Variants in BNC2 observed in about 807,000 individuals in gnomAD.
BNC2 encodes the protein basonuclin zinc finger protein 2.
BNC2 carries 20 observed loss-of-function variants against 76.3 expected under a neutral mutation model. The observed-to-expected ratio is 0.26, with a 90% CI of 0.18 to 0.38. The LOEUF is 0.38. Ranked by LOEUF, BNC2 falls within the 10% of genes least tolerant of loss-of-function variation. The pLI, the probability that BNC2 is intolerant of heterozygous loss-of-function variation, is 1.00. For missense variants in BNC2, 1,382 were observed against 1,399.8 expected, an observed-to-expected ratio of 0.99 and a Z score of 0.20; for synonymous variants, 582 against 514.8, an observed-to-expected ratio of 1.13 and a Z score of -1.77.
chr9:16,815,886 A>G (rs535535717), intron 1 of BNC2, among the ~76,000 whole-genome samples: 25 of 152,244 alleles, frequency 1.6e-4, no homozygotes, highest in South Asian at 8.3e-4. Flanking sequence ...AACAATCTCA[A>G]ATTTGGATTT....
intron 3 of BNC2, among the ~76,000 whole-genome samples, chr9:16,681,647 C>T (rs749524799): frequency 2.0e-5 from 3 of 152,140 alleles, no homozygotes; most frequent in Non-Finnish European, 4.4e-5. Context: ...TTATTCTCTA[C>T]CCCTCCCTTC....
At chr9:16,672,340 A>G (rs1822503206) in intron 3 of BNC2, among the ~76,000 whole-genome samples, 1 of 152,132 alleles carries the variant, frequency 6.6e-6, no homozygotes, top group African/African-American at 2.4e-5. Flanking sequence ...TACTAAAAAT[A>G]CAAAAAATTA....
chr9:16,641,764 C>T (rs1821498246), intron 3 of BNC2, among the ~76,000 whole-genome samples: 1 of 152,102 alleles, frequency 6.6e-6, no homozygotes, highest in Non-Finnish European at 1.5e-5. Context: ...AAGATATGGC[C>T]ATGTTAAATA....
intron 1 of BNC2, among the ~76,000 whole-genome samples, chr9:16,756,812 ACT>A (rs1030343205): frequency 2.6e-5 from 4 of 152,018 alleles, no homozygotes; most frequent in Non-Finnish European, 5.9e-5. Context: ...ACACAGTGAA[ACT>A]CTGTCTCTAC....
intron 5 of BNC2, among the ~76,000 whole-genome samples, chr9:16,439,100 G>T (rs1456856703): frequency 6.6e-6 from 1 of 152,194 alleles, no homozygotes. Flanking sequence ...CTGCTTCCAT[G>T]TAAGATGTGA....
At chr9:16,752,623 T>G (rs1050050640) in intron 1 of BNC2, among the ~76,000 whole-genome samples, 2 of 148,748 alleles carry the variant, frequency 1.3e-5, no homozygotes, top group African/African-American at 2.5e-5. Flanking sequence ...TAGATTTTTT[T>G]AATGACACAC....
chr9:16,775,548 G>A (rs1268571649), intron 1 of BNC2: 1 of 154,498 alleles, frequency 6.5e-6, no homozygotes, highest in Non-Finnish European at 1.5e-5. Context: ...TACTCTTCAA[G>A]AGCAATAGCT....
At chr9:16,849,847 CA>C (rs917910059) in intron 1 of BNC2, among the ~76,000 whole-genome samples, 25 of 147,052 alleles carry the variant, frequency 1.7e-4, no homozygotes, top group East Asian at 7.9e-4. Context: ...CCCTAAAGTA[CA>C]AAAAAAAAAG....
intron 5 of BNC2, among the ~76,000 whole-genome samples, chr9:16,495,909 TTC>T (rs1482210977): frequency 5.4e-5 from 8 of 146,864 alleles, no homozygotes; most frequent in Non-Finnish European, 1.2e-4. Flanking sequence ...CTTTTTCTTT[TTC>T]TTTTTTTTTT....
intron 3 of BNC2, among the ~76,000 whole-genome samples, chr9:16,628,514 A>G (rs1017506488): frequency 6.6e-6 from 1 of 152,190 alleles, no homozygotes; most frequent in Non-Finnish European, 1.5e-5. Context: ...TAGATGTAAA[A>G]GTGTGCGTAT....
intron 1 of BNC2, among the ~76,000 whole-genome samples, chr9:16,807,279 G>C (rs761807033): frequency 1.3e-5 from 2 of 152,138 alleles, no homozygotes; most frequent in African/African-American, 2.4e-5. Flanking sequence ...GTTATCTACA[G>C]AAAGTTATTT....
chr9:16,741,604 A>G (rs975846785), intron 1 of BNC2, among the ~76,000 whole-genome samples: 1 of 152,208 alleles, frequency 6.6e-6, no homozygotes, highest in Non-Finnish European at 1.5e-5. Context: ...CAGTTTGGGA[A>G]GTGAAATACT....
chr9:16,699,643 G>A (rs1234103995), intron 3 of BNC2, among the ~76,000 whole-genome samples: 1 of 152,184 alleles, frequency 6.6e-6, no homozygotes, highest in Non-Finnish European at 1.5e-5. Flanking sequence ...ACAGACAGAA[G>A]AAGAAATTGG....
chr9:16,665,494 G>GAC (rs1200019023), intron 3 of BNC2, among the ~76,000 whole-genome samples: 1 of 149,920 alleles, frequency 6.7e-6, no homozygotes, highest in African/African-American at 2.5e-5. Context: ...AAGAAAGAGA[G>GAC]AGAGAGAAAT....
At chr9:16,483,109 T>C (rs926717915) in intron 5 of BNC2, among the ~76,000 whole-genome samples, 2 of 152,164 alleles carry the variant, frequency 1.3e-5, no homozygotes, top group Non-Finnish European at 2.9e-5. Context: ...CCATGCACTC[T>C]GAAAGGATTA....
chr9:16,515,529 CAGTT>C (rs1368947492), intron 5 of BNC2, among the ~76,000 whole-genome samples: 2 of 152,038 alleles, frequency 1.3e-5, no homozygotes, highest in African/African-American at 2.4e-5. Context: ...TAGTGTCACT[CAGTT>C]GGGATGGATC....
At chr9:16,702,936 C>A (rs1309015576) in intron 3 of BNC2, among the ~76,000 whole-genome samples, 1 of 152,178 alleles carries the variant, frequency 6.6e-6, no homozygotes. Flanking sequence ...CACTATTCCA[C>A]GAAGTTTCCA....
intron 1 of BNC2, among the ~76,000 whole-genome samples, chr9:16,846,303 A>G (rs945523697): frequency 6.6e-6 from 1 of 152,218 alleles, no homozygotes; most frequent in Admixed American, 6.5e-5. Context: ...TAAATTCTAA[A>G]CCATTATCAA....
At chr9:16,717,194 A>G (rs989251192) in intron 3 of BNC2, among the ~76,000 whole-genome samples, 7 of 152,166 alleles carry the variant, frequency 4.6e-5, no homozygotes, top group African/African-American at 1.7e-4. Context: ...TCTTCAAACC[A>G]TTTCTTACGA....
Sources: gnomAD v4.1 joint callset for allele counts (sites outside exome capture counted in the v4.1 genomes callset) on GRCh38, gnomAD v4.1.1 for gene constraint, MANE v1.5 for transcripts, NCBI Gene and HGNC (gene_info 2026-07-23, HGNC 2026-07-21) for gene names.